The following RHBDF1 variants were observed in gnomAD, a reference collection of about 807,000 sequenced individuals.
RHBDF1 encodes the protein rhomboid 5 homolog 1.
Under a neutral mutation model 98.6 loss-of-function variants are expected in RHBDF1, and 80 were observed. That is an observed-to-expected ratio of 0.81 (90% CI 0.68 to 0.98). RHBDF1 has a LOEUF of 0.98. RHBDF1 is among the 50% of genes least tolerant of loss of function. RHBDF1 has a pLI of 0.00. For missense variants in RHBDF1, 1,116 were observed against 1,198.3 expected (o/e 0.93, Z 1.01); for synonymous variants, 512 against 486.8 (o/e 1.05, Z -0.68).
intron 1 of RHBDF1, among the ~76,000 whole-genome samples, chr16:68,660 G>GA (rs966675647): frequency 3.8e-5 from 1 of 26,586 alleles, no homozygotes; most frequent in Non-Finnish European, 7.8e-4. Flanking sequence ...AGGACCAGCT[G>GA]GGGGGGCTGC....
Position 59,251 on chromosome 16 carries a change from G to A in RHBDF1, c.1992C>T (p.Ala664=), listed in dbSNP as rs373142628. 53 of 1,600,148 alleles carry A rather than the reference G, an allele frequency of 3.3e-5. 1 individual carries two copies. Among genetic ancestry groups the A allele is most frequent in the East Asian group, 8.9e-5 (4 of 44,750 alleles). The change falls in exon 16 of 18, where the codon GCC becomes GCT. Residue 664 remains alanine (A), a splice_region_variant and synonymous_variant. Coordinates refer to ENST00000262316, the MANE Select transcript of RHBDF1 (RefSeq NM_022450.5). ...ACCCGGCCCACAGTGTCACTTGCCC[G>A]GCGTGCAGGAAGAGGGATAGCCACA... The part of the protein sequence containing the change: ...YRLWLSLFLH[A]GILHCLVSIC...
chr16:67,293 G>A (rs1199753152), intron 1 of RHBDF1, among the ~76,000 whole-genome samples: 1 of 152,218 alleles, frequency 6.6e-6, no homozygotes. Context: ...AATGCTCTTA[G>A]TGAGGCCATT....
At chr16:59,153 G>A (rs765713780) in intron 16 of RHBDF1, 26 bp from the exon 17 acceptor site, 16 of 1,607,332 alleles carry the variant, frequency 1.0e-5, no homozygotes, top group East Asian at 4.5e-5. Context: ...GGCGGGGGTC[G>A]GGAGACATTC....
rs777894007 is a variant in RHBDF1 at position 58,496 on chromosome 16, G to A, written c.2412C>T (p.Ile804=). Residue 804 remains isoleucine, a synonymous_variant, in exon 18 of 18, where the codon ATC becomes ATT. Coordinates refer to ENST00000262316, the MANE Select transcript of RHBDF1 (RefSeq NM_022450.5). The part of the protein sequence containing the change: ...KFDLYRKRCQ[I]IIFQVVFLGL... ...CCAGGAAGACCACCTGAAAGATGAT[G>A]ATCTGGCAGCGTTTCCGGTACAGGT... 1.2e-6 allele frequency: 2 copies of A among 1,613,976 alleles called. No individual in the cohort carries two copies. The highest frequency in any genetic ancestry group is 3.3e-5 in the Admixed American group (2 of 60,012).
intron 3 of RHBDF1, 37 bp from the exon 4 acceptor site, chr16:63,837 C>G (rs1271756464): frequency 6.3e-7 from 1 of 1,582,406 alleles, no homozygotes. Context: ...GCGGCCAGAT[C>G]GCCCCTCCCA....
intron 17 of RHBDF1, 80 bp from the exon 18 acceptor site, chr16:58,839 C>G (rs1897487032): frequency 6.4e-7 from 1 of 1,559,178 alleles, no homozygotes; most frequent in Non-Finnish European, 8.7e-7. Flanking sequence ...TTCTGCCCCA[C>G]TTCCCATGGC....
At chr16:72,808 C>T (rs1252325898), upstream of RHBDF1, among the ~76,000 whole-genome samples, 1 of 152,184 alleles carries the variant, frequency 6.6e-6, no homozygotes. Flanking sequence ...GGGCTGGGGT[C>T]TCCAGCGCCT....
chr16:69,757 C>G (rs1214675682), intron 1 of RHBDF1, among the ~76,000 whole-genome samples: 1 of 152,178 alleles, frequency 6.6e-6, no homozygotes, highest in African/African-American at 2.4e-5. Context: ...AGTGAAGCCT[C>G]TTCTTTTCTG....
At chr16:63,914 G>A (rs2141855932) in intron 3 of RHBDF1, 114 bp from the exon 4 acceptor site, 2 of 940,676 alleles carry the variant, frequency 2.1e-6, no homozygotes, top group East Asian at 2.6e-5. Flanking sequence ...TCACTCCAGG[G>A]ACCAGGGTCT....
At chr16:72,143 A>G (rs908790169) in intron 1 of RHBDF1, among the ~76,000 whole-genome samples, 1 of 151,876 alleles carries the variant, frequency 6.6e-6, no homozygotes, top group Non-Finnish European at 1.5e-5. Context: ...AACCTGGGGC[A>G]CCCCCGGACT....
Position 59,334 on chromosome 16 carries a change from C to G in RHBDF1, c.1909G>C (p.Asp637His), listed in dbSNP as rs2141843382. 1 of 1,612,220 alleles carries G rather than the reference C, an allele frequency of 6.2e-7. No homozygotes were observed. Among genetic ancestry groups the G allele is most frequent in the South Asian group, 1.1e-5 (1 of 90,820 alleles). The change falls in exon 16 of 18, where the codon GAT becomes CAT. Residue 637 changes from aspartate (D) to histidine (H), a missense_variant. By Grantham distance (81) the Asp-to-His change is moderately conservative. Transcript: ENST00000262316. Reference sequence around the variant, plus strand: ...AGAAAAGGCAGGAGCCCACACACATCATCCATGCAGTGCACCTGCGCAGAG... The same window carrying G: ...AGAAAAGGCAGGAGCCCACACACATGATCCATGCAGTGCACCTGCGCAGAG... ...TLCSQVHCMD[D>H]VCGLLPFLNP...
chr16:61,511 C>T, intron 9 of RHBDF1, 52 bp from the exon 10 acceptor site: 2 of 1,611,818 alleles, frequency 1.2e-6, no homozygotes, highest in Non-Finnish European at 1.7e-6. Flanking sequence ...GCCCTCTCCT[C>T]CCAGAGCGGG....
At chr16:62,741 C>T (rs200329112) in intron 6 of RHBDF1, 34 bp downstream of exon 6, 334 of 1,614,040 alleles carry the variant, frequency 2.1e-4, no homozygotes, top group Non-Finnish European at 2.7e-4. Context: ...AGGAAGGGAA[C>T]GTGGGGTGGG....
At chr16:72,041 G>A (rs956216050) in intron 1 of RHBDF1, among the ~76,000 whole-genome samples, 1 of 152,210 alleles carries the variant, frequency 6.6e-6, no homozygotes, top group Non-Finnish European at 1.5e-5. Flanking sequence ...GCCGGGACAG[G>A]GACCATCCCG....
chr16:62,240 G>A (rs1247245356), intron 7 of RHBDF1, 188 bp from the exon 8 acceptor site: 2 of 823,430 alleles, frequency 2.4e-6, no homozygotes, highest in Non-Finnish European at 3.7e-6. Flanking sequence ...AGCTGGAACG[G>A]GGACACACTG....
Position 63,104 on chromosome 16 carries a change from G to C in RHBDF1, c.541C>G (p.Pro181Ala), listed in dbSNP as rs751502617. The C allele has an allele frequency of 1.2e-6, 2 of 1,607,980 alleles. 1 individual carries two copies. The highest frequency in any genetic ancestry group is 2.2e-5 in the South Asian group (2 of 90,332). ...AGGGAGGCAGCACCCGGCGTGACGG[G>C]AGTGTGTGGGGCACTCAGGCCTTCC... ...TAEGLSAPHT[P>A]VTPGAASLCS... Residue 181 changes from proline to alanine, a missense_variant, in exon 5 of 18, where the codon CCC (proline) becomes GCC (alanine). Transcript: ENST00000262316.
chr16:68,699 C>A (rs1180573305), intron 1 of RHBDF1, among the ~76,000 whole-genome samples: 1 of 152,140 alleles, frequency 6.6e-6, no homozygotes, highest in Non-Finnish European at 1.5e-5. Flanking sequence ...GGCTGAGGGA[C>A]GAGGAGGGTC....
intron 1 of RHBDF1, among the ~76,000 whole-genome samples, chr16:71,785 TGACA>T (rs1897976165): frequency 6.6e-6 from 1 of 151,744 alleles, no homozygotes; most frequent in Non-Finnish European, 1.5e-5. Context: ...GCCCCCAGCA[TGACA>T]GACAACCAGG....
At chr16:73,731 C>A (rs545045068), upstream of RHBDF1, among the ~76,000 whole-genome samples, 160 of 152,316 alleles carry the variant, frequency 1.1e-3, 1 homozygote, top group Non-Finnish European at 2.1e-3. Context: ...ATGCCTCGGA[C>A]AAATGTGTCT....
Sources: gnomAD v4.1 joint callset for allele counts (sites outside exome capture counted in the v4.1 genomes callset) on GRCh38, gnomAD v4.1.1 for gene constraint, MANE v1.5 for transcripts, NCBI Gene and HGNC (gene_info 2026-07-23, HGNC 2026-07-21) for gene names.